Variants in HERPUD2 observed in about 807,000 individuals in gnomAD.
The protein encoded by HERPUD2 is HERPUD family member 2.
HERPUD2 carries 13 observed loss-of-function variants against 49.9 expected under a neutral mutation model. The observed-to-expected ratio is 0.26, with a 90% confidence interval of 0.17 to 0.41. The LOEUF (loss-of-function observed/expected upper bound fraction) is 0.41, where lower values mean the gene tolerates loss of function less well. Ranked by LOEUF, HERPUD2 falls within the 10% of genes least tolerant of loss-of-function variation. The pLI is 1.00. For synonymous variants in HERPUD2, 172 were observed against 171.4 expected (o/e 1.00, Z -0.03); for missense variants, 449 against 492.2 (o/e 0.91, Z 0.83).
intron 2 of HERPUD2, among the ~76,000 whole-genome samples, chr7:35,691,469 A>G (rs1786185750): frequency 6.6e-6 from 1 of 152,120 alleles, no homozygotes; most frequent in Non-Finnish European, 1.5e-5. Context: ...AAGTCCCTCC[A>G]CCTACTCCTG....
Position 35,634,418 on chromosome 7 carries a change from C to T in HERPUD2, c.953G>A (p.Gly318Glu). 1 of 1,607,450 alleles carries T rather than the reference C, an allele frequency of 6.2e-7. No homozygotes were observed. Among genetic ancestry groups the T allele is most frequent in the Non-Finnish European group, 8.5e-7 (1 of 1,174,040 alleles). Reference protein sequence around the residue: ...AMLLVYLHQAGWFPFRQEGGH... With the variant: ...AMLLVYLHQAEWFPFRQEGGH... Reference sequence around the variant, plus strand: ...TCCTTCTTGCCTAAAAGGAAACCATCCAGCTTGGTGTCTGTTCAGTAAAAT... The same window carrying T: ...TCCTTCTTGCCTAAAAGGAAACCATTCAGCTTGGTGTCTGTTCAGTAAAAT... The change falls in exon 8 of 9, where the codon GGA (glycine) becomes GAA (glutamate). Residue 318 changes from glycine to glutamate, a missense_variant. Physicochemically the swap from Gly to Glu is moderately conservative, Grantham distance 98. Transcript: ENST00000311350.
Position 35,667,602 on chromosome 7 carries a change from T to C in HERPUD2, c.340-14A>G. On this transcript the variant is annotated splice_polypyrimidine_tract_variant and intron_variant, in intron 4 of 8. Transcript: ENST00000311350. ...ATGATCTGAACTCTACAAATAAAAA[T>C]GTAATTTTTAAAAGGAGATTTAGTT... 3 of 1,583,566 alleles carry C rather than the reference T, an allele frequency of 1.9e-6. No individual in the cohort carries two copies. The highest frequency in any genetic ancestry group is 2.3e-5 in the East Asian group (1 of 44,236).
intron 2 of HERPUD2, among the ~76,000 whole-genome samples, chr7:35,689,133 A>C (rs1362152899): frequency 6.6e-6 from 1 of 152,196 alleles, no homozygotes; most frequent in Admixed American, 6.5e-5. Flanking sequence ...CTATCTGGAA[A>C]GTATTGAGAA....
In HERPUD2 at chr7:35,644,740, C is replaced by T. The variant is rs560242794; in HGVS notation, c.495-6268G>A. Among the ~76,000 whole-genome samples, 5 of 152,234 alleles carry T rather than the reference C, an allele frequency of 3.3e-5. No homozygotes were observed. The East Asian group carries it at 9.6e-4, about 29-fold the overall frequency. ...CAAGATCGCACCACTGCACTCTAGCCTGGGGGAAACAGTGAGGCTCTGTCT... is the reference window on the plus strand; with the variant it reads ...CAAGATCGCACCACTGCACTCTAGCTTGGGGGAAACAGTGAGGCTCTGTCT... On this transcript the variant is annotated intron_variant, in intron 5 of 8. Coordinates refer to ENST00000311350, the MANE Select transcript of HERPUD2 (RefSeq NM_022373.5).
At chr7:35,644,068 T>A (rs1356897297) in intron 5 of HERPUD2, among the ~76,000 whole-genome samples, 1 of 152,134 alleles carries the variant, frequency 6.6e-6, no homozygotes, top group Admixed American at 6.5e-5. Context: ...AGCAAATAAG[T>A]AATTATGCTA....
At chr7:35,634,197 C>G (rs1784833190) in intron 8 of HERPUD2, 115 bp downstream of exon 8, 1 of 693,288 alleles carries the variant, frequency 1.4e-6, no homozygotes, top group African/African-American at 1.8e-5. Flanking sequence ...AGTTTTCTTT[C>G]ATGTGCCATT....
intron 3 of HERPUD2, 86 bp downstream of exon 3, chr7:35,673,115 A>T: frequency 1.0e-6 from 1 of 975,742 alleles, no homozygotes; most frequent in Non-Finnish European, 1.6e-6. Context: ...GTATCTAAAA[A>T]CTGAACTGGT....
At chr7:35,693,214 T>A (rs913220830) in intron 2 of HERPUD2, among the ~76,000 whole-genome samples, 1 of 152,216 alleles carries the variant, frequency 6.6e-6, no homozygotes, top group Admixed American at 6.5e-5. Flanking sequence ...CCAGTTATGA[T>A]TCAGAATGGA....
chr7:35,658,394 C>T (rs1479454976), intron 5 of HERPUD2, among the ~76,000 whole-genome samples: 2 of 152,028 alleles, frequency 1.3e-5, no homozygotes, highest in African/African-American at 2.4e-5. Flanking sequence ...GGTATAAATA[C>T]AGCAGAGTAG....
chr7:35,645,888 T>A (rs11770864), intron 5 of HERPUD2, among the ~76,000 whole-genome samples: 2 of 152,158 alleles, frequency 1.3e-5, no homozygotes, highest in African/African-American at 4.8e-5. Flanking sequence ...GTGTAAGACA[T>A]AGAAATGAAA....
At chr7:35,634,927 AAAC>A (rs1191602515) in intron 7 of HERPUD2, among the ~76,000 whole-genome samples, 1 of 152,218 alleles carries the variant, frequency 6.6e-6, no homozygotes, top group Non-Finnish European at 1.5e-5. Context: ...AAAATACAGT[AAAC>A]AAAAAATCTG....
intron 2 of HERPUD2, among the ~76,000 whole-genome samples, chr7:35,679,331 T>C (rs1397147363): frequency 6.6e-6 from 1 of 152,222 alleles, no homozygotes; most frequent in Admixed American, 6.5e-5. Context: ...TACAGCTAAC[T>C]GAAGTAGTAT....
At chr7:35,692,188 A>ATGC (rs1786207256) in intron 2 of HERPUD2, among the ~76,000 whole-genome samples, 2 of 152,236 alleles carry the variant, frequency 1.3e-5, no homozygotes, top group Non-Finnish European at 2.9e-5. Context: ...CAGCTAACTA[A>ATGC]TGCACAGCGG....
At chr7:35,685,960 CTAAATAAA>C (rs1554317773) in intron 2 of HERPUD2, among the ~76,000 whole-genome samples, 1 of 148,052 alleles carries the variant, frequency 6.8e-6, no homozygotes, top group African/African-American at 2.5e-5. Context: ...GACCCTGTCT[CTAAATAAA>C]TAAATAAATA....
At chr7:35,653,926 G>C (rs1188687366) in intron 5 of HERPUD2, among the ~76,000 whole-genome samples, 1 of 152,140 alleles carries the variant, frequency 6.6e-6, no homozygotes, top group Non-Finnish European at 1.5e-5. Context: ...TTTCAGCCCA[G>C]GAGTTCTGCA....
chr7:35,660,256 T>C (rs1354069286), intron 5 of HERPUD2, among the ~76,000 whole-genome samples: 2 of 152,230 alleles, frequency 1.3e-5, no homozygotes, highest in South Asian at 4.1e-4. Flanking sequence ...ATGTGCCACA[T>C]TTTCTTAATC....
chr7:35,657,269 A>G (rs1385312587), intron 5 of HERPUD2, among the ~76,000 whole-genome samples: 2 of 152,172 alleles, frequency 1.3e-5, no homozygotes, highest in East Asian at 1.9e-4. Flanking sequence ...AATGCTCAAC[A>G]TGACTCAGTA....
chr7:35,637,873 G>A (rs1158405042), intron 6 of HERPUD2, among the ~76,000 whole-genome samples: 1 of 152,202 alleles, frequency 6.6e-6, no homozygotes, highest in Non-Finnish European at 1.5e-5. Context: ...CATGTTAAAT[G>A]AATGCAGAAT....
At chr7:35,668,266 T>C (rs1199294148) in intron 4 of HERPUD2, among the ~76,000 whole-genome samples, 1 of 152,222 alleles carries the variant, frequency 6.6e-6, no homozygotes, top group Admixed American at 6.5e-5. Flanking sequence ...ATATTGCTTT[T>C]TTACAAAATG....
Sources: allele counts gnomAD v4.1 joint callset (sites outside exome capture counted in the v4.1 genomes callset), GRCh38; gene constraint gnomAD v4.1.1; transcripts MANE v1.5; gene names NCBI Gene and HGNC (gene_info 2026-07-23, HGNC 2026-07-21).